ZNF407: variants seen among roughly 807,000 people sequenced by gnomAD.
ZNF407 encodes the protein zinc finger protein 407.
In ZNF407, 17 loss-of-function variants were observed where a neutral mutation model predicts 131.2. The observed-to-expected ratio is 0.13, with a 90% confidence interval of 0.09 to 0.19. The LOEUF (loss-of-function observed/expected upper bound fraction) is 0.19, where lower values mean the gene tolerates loss of function less well. Ranked by LOEUF, ZNF407 falls within the 10% of genes least tolerant of loss-of-function variation. ZNF407 has a pLI of 1.00. For missense variants in ZNF407, 2,681 were observed against 2,830.6 expected (o/e 0.95, Z 1.20); for synonymous variants, 1,156 against 1,062.0 (o/e 1.09, Z -1.72).
intron 4 of ZNF407, among the ~76,000 whole-genome samples, chr18:74,797,813 AT>A (rs200887738): frequency 0.011 from 1,544 of 140,762 alleles, 7 homozygotes; most frequent in East Asian, 0.025. Flanking sequence ...GCTGCAAGGC[AT>A]TTTTTTTTTT....
At chr18:74,731,060 G>C (rs1968283013) in intron 3 of ZNF407, among the ~76,000 whole-genome samples, 1 of 152,060 alleles carries the variant, frequency 6.6e-6, no homozygotes, top group Non-Finnish European at 1.5e-5. Context: ...CTCTTATTCT[G>C]TTATTTTACT....
chr18:74,813,836 G>T (rs539052934), intron 4 of ZNF407, among the ~76,000 whole-genome samples: 1 of 152,144 alleles, frequency 6.6e-6, no homozygotes, highest in South Asian at 2.1e-4. Context: ...GCTTTGGTTT[G>T]CAGGATCTAT....
At chr18:74,804,139 CT>C (rs547582109) in intron 4 of ZNF407, 21,322 of 1,038,674 alleles carry the variant, frequency 0.021, 7 homozygotes, top group South Asian at 0.043. Context: ...ATTTCATTGT[CT>C]TTTTTTTTTT....
intron 4 of ZNF407, among the ~76,000 whole-genome samples, chr18:74,843,573 G>A (rs946772179): frequency 2.0e-5 from 3 of 152,156 alleles, no homozygotes; most frequent in Non-Finnish European, 4.4e-5. Context: ...TCCTATGCAT[G>A]GGACTAGCAA....
At chr18:74,693,372 A>G (rs917855099) in intron 3 of ZNF407, among the ~76,000 whole-genome samples, 1 of 152,148 alleles carries the variant, frequency 6.6e-6, no homozygotes, top group Non-Finnish European at 1.5e-5. Flanking sequence ...TTATTTCAAA[A>G]CGTTTTCTAA....
chr18:74,611,849 G>T (rs1348707577), intron 1 of ZNF407, among the ~76,000 whole-genome samples: 6 of 152,204 alleles, frequency 3.9e-5, no homozygotes, highest in Admixed American at 3.3e-4. Flanking sequence ...CCAGGTTTCT[G>T]ACTGTCAAGC....
At chr18:74,898,221 A>G (rs1971478321) in intron 7 of ZNF407, 2 of 152,194 alleles carry the variant, frequency 1.3e-5, no homozygotes. Flanking sequence ...GTGTGGTAGC[A>G]TTTATTGTGT....
At chr18:75,039,584 C>G (rs1199365475) in intron 8 of ZNF407, among the ~76,000 whole-genome samples, 2 of 152,180 alleles carry the variant, frequency 1.3e-5, no homozygotes, top group Non-Finnish European at 2.9e-5. Context: ...TTCCATAATT[C>G]AGCTAGGTGT....
chr18:75,059,038 G>T (rs17177505), intron 8 of ZNF407, among the ~76,000 whole-genome samples: 4,577 of 152,288 alleles, frequency 0.03, 100 homozygotes, highest in African/African-American at 0.056. Flanking sequence ...GAACTGTGAT[G>T]GACTCGCTGG....
chr18:74,624,602 A>G (rs138949681), intron 1 of ZNF407, among the ~76,000 whole-genome samples: 17 of 152,308 alleles, frequency 1.1e-4, no homozygotes, highest in Middle Eastern at 3.4e-3. Context: ...GCTGTGTCTC[A>G]GTGACTCCCT....
At chr18:75,049,098 T>TGGGGG (rs61131714) in intron 8 of ZNF407, among the ~76,000 whole-genome samples, 1 of 39,626 alleles carries the variant, frequency 2.5e-5, no homozygotes, top group African/African-American at 1.1e-4. Flanking sequence ...TTTTTTTTTT[T>TGGGGG]GGGTGGGGGG....
At chr18:74,929,863 A>G (rs763440830) in intron 8 of ZNF407, among the ~76,000 whole-genome samples, 7 of 152,350 alleles carry the variant, frequency 4.6e-5, no homozygotes, top group Non-Finnish European at 8.8e-5. Context: ...CAGTGAGGAA[A>G]ATTACTATTT....
intron 3 of ZNF407, among the ~76,000 whole-genome samples, chr18:74,719,604 C>G (rs902223963): frequency 6.6e-6 from 1 of 152,100 alleles, no homozygotes; most frequent in Non-Finnish European, 1.5e-5. Flanking sequence ...GGGGTTTCAC[C>G]GTGTTAGCCA....
chr18:74,852,340 G>C (rs1032928281), intron 4 of ZNF407, among the ~76,000 whole-genome samples: 2 of 152,134 alleles, frequency 1.3e-5, no homozygotes, highest in African/African-American at 4.8e-5. Context: ...CTTTTGAGGG[G>C]AGGGAATAGT....
chr18:75,020,348 A>G (rs1341241478), intron 8 of ZNF407, among the ~76,000 whole-genome samples: 1 of 151,684 alleles, frequency 6.6e-6, no homozygotes, highest in Non-Finnish European at 1.5e-5. Context: ...GTGTATATAT[A>G]TATAGGATCT....
chr18:74,620,629 C>A (rs1211284617), intron 1 of ZNF407, among the ~76,000 whole-genome samples: 1 of 152,170 alleles, frequency 6.6e-6, no homozygotes, highest in South Asian at 2.1e-4. Context: ...GTAGTTCTAG[C>A]CTGTTTGCCT....
At chr18:74,760,745 C>CCTCCTAG (rs1969076612) in intron 3 of ZNF407, among the ~76,000 whole-genome samples, 1 of 152,112 alleles carries the variant, frequency 6.6e-6, no homozygotes, top group Non-Finnish European at 1.5e-5. Flanking sequence ...TTTGACCGCT[C>CCTCCTAG]CTCCTAGCTC....
chr18:74,910,364 C>A (rs996663160), intron 7 of ZNF407, among the ~76,000 whole-genome samples: 1 of 151,996 alleles, frequency 6.6e-6, no homozygotes, highest in Non-Finnish European at 1.5e-5. Flanking sequence ...TGGTTGCTTG[C>A]TTATATTTTA....
intron 3 of ZNF407, among the ~76,000 whole-genome samples, chr18:74,692,398 C>T (rs1329002546): frequency 2.0e-5 from 3 of 152,152 alleles, no homozygotes; most frequent in East Asian, 1.9e-4. Context: ...CCACAGGCCC[C>T]GCATGCCTGT....
Sources: allele counts gnomAD v4.1 joint callset (sites outside exome capture counted in the v4.1 genomes callset), GRCh38; gene constraint gnomAD v4.1.1; transcripts MANE v1.5; gene names NCBI Gene and HGNC (gene_info 2026-07-23, HGNC 2026-07-21).